Variants in FAT3 observed in about 807,000 individuals in gnomAD.
The protein encoded by FAT3 is FAT atypical cadherin 3.
In FAT3, 95 loss-of-function variants were observed where a neutral mutation model predicts 310.2. That is an observed-to-expected ratio of 0.31 (90% CI 0.26 to 0.36). The LOEUF (loss-of-function observed/expected upper bound fraction) is 0.36. FAT3 is among the 10% of genes least tolerant of loss of function. The pLI is 1.00. For synonymous variants in FAT3, 2,314 were observed against 2,192.9 expected, an observed-to-expected ratio of 1.06 and a Z score of -1.54; for missense variants, 5,408 against 5,715.6, an observed-to-expected ratio of 0.95 and a Z score of 1.74.
At chr11:92,281,090 G>C (rs1345427057) in intron 1 of FAT3, among the ~76,000 whole-genome samples, 2 of 152,092 alleles carry the variant, frequency 1.3e-5, no homozygotes, top group African/African-American at 4.8e-5. Flanking sequence ...AATAACTACT[G>C]TGCAATATTA....
chr11:92,537,821 G>A (rs910280685), intron 3 of FAT3, among the ~76,000 whole-genome samples: 3 of 152,088 alleles, frequency 2.0e-5, no homozygotes, highest in Non-Finnish European at 4.4e-5. Flanking sequence ...ACTCTAACTG[G>A]ATCCCCAGTC....
chr11:92,737,515 G>A (rs1239954697), intron 4 of FAT3, among the ~76,000 whole-genome samples: 2 of 152,010 alleles, frequency 1.3e-5, no homozygotes, highest in African/African-American at 4.8e-5. Flanking sequence ...ATACATCACT[G>A]TGTACGTGTG....
At chr11:92,581,661 G>T (rs144466359) in intron 3 of FAT3, among the ~76,000 whole-genome samples, 1 of 151,784 alleles carries the variant, frequency 6.6e-6, no homozygotes, top group African/African-American at 2.4e-5. Context: ...CCAAGGGGGG[G>T]GATTATGCCA....
At chr11:92,698,436 A>C (rs1944002023) in intron 4 of FAT3, among the ~76,000 whole-genome samples, 1 of 152,208 alleles carries the variant, frequency 6.6e-6, no homozygotes, top group South Asian at 2.1e-4. Flanking sequence ...AATAGCTTGA[A>C]GCTATTTAAT....
intron 2 of FAT3, among the ~76,000 whole-genome samples, chr11:92,460,245 C>T (rs1951599800): frequency 6.6e-6 from 1 of 150,762 alleles, no homozygotes; most frequent in South Asian, 2.1e-4. Flanking sequence ...GATAATTAAG[C>T]TCTTGTCTGG....
Position 92,805,082 on chromosome 11 carries a change from T to G in FAT3, c.8897-71T>G, listed in dbSNP as rs969619825. The stretch of plus-strand genomic sequence containing the variant: ...GTACCTGGATGACTCCACATGCACC[T>G]CTCAAGGTAGATGTAGATTAAGACA... On this transcript the variant is annotated intron_variant, in intron 10 of 27. Coordinates refer to ENST00000525166, the MANE Select transcript of FAT3 (RefSeq NM_001367949.2). 3.2e-5 allele frequency: 49 copies of G among 1,513,214 alleles called. No homozygotes were observed. In the African/African-American group the frequency reaches 6.1e-4, roughly 19 times the overall value. The allele number at this position is 1,513,214 out of a possible 1,614,324, so 93.7% of individuals were successfully genotyped here. A position where few individuals can be genotyped will look rare whatever the true frequency, so the allele number is the denominator to read the frequency against.
In FAT3 at chr11:92,412,721, ATATATATATATATATATAT is replaced by A. The variant is rs1950307115; in HGVS notation, c.3292+57318_3292+57336del. Reference sequence around the variant, plus strand: ...GGTGGTGATATATATATATATATATATATATATATATATATATATATATAAATATACATACATATATATA... The same window carrying A: ...GGTGGTGATATATATATATATATATAATATAAATATACATACATATATATA... On this transcript the variant is annotated intron_variant, in intron 2 of 27. Coordinates refer to ENST00000525166, the MANE Select transcript of FAT3 (RefSeq NM_001367949.2). Among the ~76,000 whole-genome samples, 7 of 31,488 alleles carry A rather than the reference ATATATATATATATATATAT, an allele frequency of 2.2e-4. 2 individuals carry two copies. The highest frequency in any genetic ancestry group is 1.3e-3 in the Admixed American group (3 of 2,284). 20.7% of individuals were successfully genotyped at this position (31,488 alleles called of 152,430 possible).
At chr11:92,845,171 A>G (rs1002573675) in intron 19 of FAT3, among the ~76,000 whole-genome samples, 1 of 152,242 alleles carries the variant, frequency 6.6e-6, no homozygotes, top group Non-Finnish European at 1.5e-5. Flanking sequence ...TCTGGCTGCA[A>G]TAAGCAGGGC....
At chr11:92,361,989 T>C (rs1948893028) in intron 2 of FAT3, among the ~76,000 whole-genome samples, 1 of 152,226 alleles carries the variant, frequency 6.6e-6, no homozygotes, top group Non-Finnish European at 1.5e-5. Context: ...CCAAGTTCTG[T>C]GCACACTGCT....
intron 2 of FAT3, among the ~76,000 whole-genome samples, chr11:92,473,271 T>C (rs769789465): frequency 5.3e-5 from 8 of 152,184 alleles, no homozygotes; most frequent in Non-Finnish European, 1.0e-4. Context: ...TCAGTAAATG[T>C]TTGTTAATTT....
intron 6 of FAT3, among the ~76,000 whole-genome samples, chr11:92,766,196 C>T (rs1276076772): frequency 6.6e-6 from 1 of 152,198 alleles, no homozygotes; most frequent in East Asian, 1.9e-4. Context: ...GACAAACCAG[C>T]AGGGAGAGGC....
intron 1 of FAT3, among the ~76,000 whole-genome samples, chr11:92,289,606 C>T (rs1022718539): frequency 2.0e-5 from 3 of 151,718 alleles, no homozygotes; most frequent in East Asian, 1.9e-4. Context: ...TCCTGTTGGC[C>T]GTATCTTCAG....
chr11:92,385,397 T>G (rs1012095181), intron 2 of FAT3, among the ~76,000 whole-genome samples: 2 of 152,160 alleles, frequency 1.3e-5, no homozygotes, highest in Non-Finnish European at 2.9e-5. Flanking sequence ...AGACAGAATC[T>G]TGCTCTGTTG....
At chr11:92,492,242 TCCATCCATCCA>T (rs1952622995) in intron 2 of FAT3, among the ~76,000 whole-genome samples, 1 of 68,048 alleles carries the variant, frequency 1.5e-5, no homozygotes, top group African/African-American at 1.3e-4. Flanking sequence ...TATATATATT[TCCATCCATCCA>T]TCCATCCATC....
At chr11:92,814,597 A>G (rs1947772440) in intron 13 of FAT3, among the ~76,000 whole-genome samples, 1 of 152,224 alleles carries the variant, frequency 6.6e-6, no homozygotes, top group Non-Finnish European at 1.5e-5. Context: ...TTATAAAAAA[A>G]GGGAAGTTAA....
At chr11:92,540,469 AT>A (rs1349833855) in intron 3 of FAT3, among the ~76,000 whole-genome samples, 2 of 152,174 alleles carry the variant, frequency 1.3e-5, no homozygotes. Context: ...TAAAAAAGCT[AT>A]TTTAAAAGCC....
intron 4 of FAT3, among the ~76,000 whole-genome samples, chr11:92,717,284 A>G (rs1220117535): frequency 1.3e-5 from 2 of 152,204 alleles, no homozygotes; most frequent in Non-Finnish European, 2.9e-5. Context: ...TTTGAGGACT[A>G]GGAAAAGTAG....
chr11:92,833,125 C>T (rs571803300), intron 14 of FAT3, among the ~76,000 whole-genome samples: 16 of 152,300 alleles, frequency 1.1e-4, no homozygotes, highest in African/African-American at 1.7e-4. Flanking sequence ...AGAAAACAAG[C>T]TTGGATGTTC....
rs749228392 is a variant in FAT3, at chr11:92,352,352, A to G, written c.240A>G (p.Lys80=). 4 of 1,594,240 alleles carry G rather than the reference A, an allele frequency of 2.5e-6. No homozygotes were observed. The highest frequency in any genetic ancestry group is 2.6e-6 in the Non-Finnish European group (3 of 1,168,036). The change falls in exon 2 of 28, where the codon AAA becomes AAG. Residue 80 remains lysine (K), a synonymous_variant. Transcript: ENST00000525166. ...TAATAGATCTATCCTGGGATATCAA[A>G]TACAGAATAGTGTCCGGAGACGAGG... ...ITLIDLSWDI[K]YRIVSGDEEG...
Sources: gnomAD v4.1 joint callset for allele counts (sites outside exome capture counted in the v4.1 genomes callset) on GRCh38, gnomAD v4.1.1 for gene constraint, MANE v1.5 for transcripts, NCBI Gene and HGNC (gene_info 2026-07-23, HGNC 2026-07-21) for gene names.